Variants in SPAG16 observed in about 807,000 individuals in gnomAD.
The protein encoded by SPAG16 is sperm associated antigen 16, also known as sperm-associated antigen 16 protein.
A neutral mutation model predicts 80.4 loss-of-function variants in SPAG16; 86 were observed. That is an observed-to-expected ratio of 1.07 (90% CI 0.90 to 1.28). The LOEUF (loss-of-function observed/expected upper bound fraction) is 1.28, where lower values mean the gene tolerates loss of function less well. SPAG16 is among the 50% of genes most tolerant of loss of function. The probability of loss-of-function intolerance (pLI) is 0.00; values close to 1 mark genes in which losing one functional copy is unlikely to be tolerated. For synonymous variants in SPAG16, 294 were observed against 265.9 expected, an observed-to-expected ratio of 1.11 and a Z score of -1.03; for missense variants, 870 against 765.3, an observed-to-expected ratio of 1.14 and a Z score of -1.61.
rs1204771669 is a variant in SPAG16 at position 214,269,045 on chromosome 2, A to C, written c.1720+119779A>C. On this transcript the variant is annotated intron_variant, in intron 15 of 15. Transcript: ENST00000331683. ...ACAATAATCAGCTATTTGTCTTTTC[A>C]ATATCTTCTGGGAAAAATTTGCAGA... Among the ~76,000 whole-genome samples, 3 of 152,010 alleles carry C rather than the reference A, an allele frequency of 2.0e-5. No homozygotes were observed. In the East Asian group the frequency reaches 5.8e-4, roughly 29 times the overall value.
chr2:213,589,671 C>T (rs982924813), intron 10 of SPAG16, among the ~76,000 whole-genome samples: 4 of 152,102 alleles, frequency 2.6e-5, no homozygotes, highest in Non-Finnish European at 5.9e-5. Context: ...CCTGTAATCC[C>T]GGCACTTTGG....
intron 10 of SPAG16, among the ~76,000 whole-genome samples, chr2:213,618,941 A>T (rs1487266367): frequency 6.6e-6 from 1 of 152,158 alleles, no homozygotes; most frequent in Non-Finnish European, 1.5e-5. Context: ...GTTATACTAC[A>T]GGGTTAGATA....
intron 15 of SPAG16, among the ~76,000 whole-genome samples, chr2:214,177,922 T>TATATATATATATATATATATATATAC (rs1553519951): frequency 6.8e-5 from 9 of 133,262 alleles, no homozygotes; most frequent in Non-Finnish European, 1.1e-4. Context: ...TATACATATA[T>TATATATATATATATATATATATATAC]ATATATATAT....
chr2:213,416,953 T>C (rs2069292066), intron 9 of SPAG16, among the ~76,000 whole-genome samples: 1 of 152,214 alleles, frequency 6.6e-6, no homozygotes, highest in Admixed American at 6.5e-5. Flanking sequence ...AGTTTAGAAT[T>C]GGCTAGTTTG....
At chr2:213,325,915 T>C (rs1224792197) in intron 5 of SPAG16, among the ~76,000 whole-genome samples, 1 of 152,044 alleles carries the variant, frequency 6.6e-6, no homozygotes, top group Non-Finnish European at 1.5e-5. Flanking sequence ...AGTGATTGTG[T>C]GCTATTAAAC....
At chr2:213,924,367 C>T (rs774902563) in intron 11 of SPAG16, among the ~76,000 whole-genome samples, 1 of 152,190 alleles carries the variant, frequency 6.6e-6, no homozygotes, top group African/African-American at 2.4e-5. Context: ...GGAGCTCTCA[C>T]TCTCTCACCC....
At chr2:214,010,495 TATTTGGGAAAGAAACTGTAA>T (rs2047231028) in intron 12 of SPAG16, among the ~76,000 whole-genome samples, 1 of 146,494 alleles carries the variant, frequency 6.8e-6, no homozygotes, top group Non-Finnish European at 1.5e-5. Flanking sequence ...TGAACTTCAG[TATTTGGGAAAGAAACTGTAA>T]GGGCTCTTGG....
At position 213,916,622 on chromosome 2, in the gene SPAG16, C is replaced by G. The variant is rs2077983991; in HGVS notation, c.1215-13338C>G. ...GACATTCACTATCTTGAGAACAGCA[C>G]AAGAAAAACCTGCAACCATGATTTA... On this transcript the variant is annotated intron_variant, in intron 11 of 15. Coordinates refer to ENST00000331683, the MANE Select transcript of SPAG16 (RefSeq NM_024532.5). Among the ~76,000 whole-genome samples the G allele has an allele frequency of 2.0e-5, 3 of 152,104 alleles. No homozygotes were observed. The South Asian group carries it at 6.2e-4, about 32-fold the overall frequency.
At chr2:213,629,298 A>G (rs1316671254) in intron 10 of SPAG16, among the ~76,000 whole-genome samples, 1 of 152,204 alleles carries the variant, frequency 6.6e-6, no homozygotes, top group African/African-American at 2.4e-5. Context: ...CTTCTTAGCC[A>G]TTGCAACCAA....
In SPAG16 at chr2:213,459,754, A is replaced by G. The variant is rs1235533664; in HGVS notation, c.943-30209A>G. On this transcript the variant is annotated intron_variant, in intron 9 of 15. Transcript: ENST00000331683. ...CGCTATTCTCTTGGATTGTGAATCT[A>G]TTATTCTTCATTACATTGTTACATT... 2.0e-5 allele frequency among the ~76,000 whole-genome samples: 3 copies of G among 152,260 alleles called. No individual in the cohort carries two copies. The South Asian group carries it at 6.2e-4, about 31-fold the overall frequency.
chr2:213,975,899 G>A (rs1040106919), intron 12 of SPAG16, among the ~76,000 whole-genome samples: 1 of 151,678 alleles, frequency 6.6e-6, no homozygotes, highest in African/African-American at 2.4e-5. Flanking sequence ...GGGTGGTTCT[G>A]GTTAACGGGT....
chr2:213,430,283 G>A (rs339820), intron 9 of SPAG16, among the ~76,000 whole-genome samples: 3,898 of 152,202 alleles, frequency 0.026, 162 homozygotes, highest in African/African-American at 0.088. Flanking sequence ...TGAATTAATC[G>A]AGTCAGACAA....
At chr2:214,326,944 C>CAAAAAAAAAAAAAAAAAAA (rs5838428) in intron 15 of SPAG16, among the ~76,000 whole-genome samples, 1 of 64,464 alleles carries the variant, frequency 1.6e-5, no homozygotes, top group Non-Finnish European at 2.6e-5. Flanking sequence ...GACTAAGTCT[C>CAAAAAAAAAAAAAAAAAAA]AAAAAAAAAA....
chr2:213,936,415 ACT>A (rs1235510043), intron 12 of SPAG16, among the ~76,000 whole-genome samples: 3 of 152,066 alleles, frequency 2.0e-5, no homozygotes, highest in African/African-American at 7.2e-5. Flanking sequence ...TAATAAGATG[ACT>A]CTGGCTACTG....
At chr2:214,166,963 A>G (rs1446943594) in intron 15 of SPAG16, among the ~76,000 whole-genome samples, 1 of 152,274 alleles carries the variant, frequency 6.6e-6, no homozygotes, top group East Asian at 1.9e-4. Flanking sequence ...GACCTCCCAC[A>G]TCTAACACTA....
intron 10 of SPAG16, among the ~76,000 whole-genome samples, chr2:213,608,698 A>T (rs1309242949): frequency 1.3e-5 from 2 of 152,204 alleles, no homozygotes; most frequent in Non-Finnish European, 2.9e-5. Context: ...CAGTAATGGG[A>T]TGGGAGGTGG....
intron 11 of SPAG16, among the ~76,000 whole-genome samples, chr2:213,884,998 A>G (rs986043496): frequency 8.5e-5 from 13 of 152,100 alleles, no homozygotes; most frequent in African/African-American, 3.1e-4. Flanking sequence ...GTCATTTCCA[A>G]CTGGTTAAGA....
At chr2:213,592,716 C>T (rs532290610) in intron 10 of SPAG16, among the ~76,000 whole-genome samples, 1 of 152,216 alleles carries the variant, frequency 6.6e-6, no homozygotes, top group East Asian at 1.9e-4. Flanking sequence ...GGAGGAGGTT[C>T]AGAGTTTGAA....
intron 10 of SPAG16, among the ~76,000 whole-genome samples, chr2:213,591,634 G>A (rs897733562): frequency 1.3e-5 from 2 of 152,168 alleles, no homozygotes; most frequent in Non-Finnish European, 2.9e-5. Context: ...CTGCAATGAG[G>A]TTTTGTGGTG....
Sources: allele counts gnomAD v4.1 joint callset (sites outside exome capture counted in the v4.1 genomes callset), GRCh38; gene constraint gnomAD v4.1.1; transcripts MANE v1.5; gene names NCBI Gene and HGNC (gene_info 2026-07-23, HGNC 2026-07-21).